The following TMTC4 variants were observed in gnomAD, a reference collection of about 807,000 sequenced individuals.
TMTC4 encodes the protein protein O-mannosyl-transferase TMTC4.
Under a neutral mutation model 86.0 loss-of-function variants are expected in TMTC4, and 65 were observed. The observed-to-expected ratio is 0.76, with a 90% CI of 0.62 to 0.93. The LOEUF is 0.93. Among genes scored for constraint, TMTC4 ranks in the 40% least tolerant of loss-of-function variants. The pLI is 0.00. For synonymous variants in TMTC4, 379 were observed against 382.5 expected, an observed-to-expected ratio of 0.99 and a Z score of 0.11; for missense variants, 866 against 948.1, an observed-to-expected ratio of 0.91 and a Z score of 1.14.
At position 100,604,891 on chromosome 13, in the gene TMTC4, A is replaced by T. The variant is rs1876334323; in HGVS notation, c.*103T>A. ...GTTTTCATAGAAAAAAATCAGTAAA[A>T]TAACATGTCTAAGACTTTTAAATGG... On this transcript the variant is annotated 3_prime_UTR_variant, in exon 19 of 19. Coordinates refer to ENST00000342624, the MANE Select transcript of TMTC4 (RefSeq NM_032813.5). 22 of 1,318,876 alleles carry T rather than the reference A, an allele frequency of 1.7e-5. No homozygotes were observed. In the Middle Eastern group the frequency reaches 5.8e-4, roughly 35 times the overall value. The allele number at this position is 1,318,876 out of a possible 1,614,324, so 81.7% of individuals were successfully genotyped here.
intron 2 of TMTC4, among the ~76,000 whole-genome samples, chr13:100,669,056 G>A (rs572057199): frequency 1.2e-4 from 19 of 152,220 alleles, no homozygotes; most frequent in Admixed American, 3.3e-4. Flanking sequence ...TTAGAAATAC[G>A]AATGTAATGG....
chr13:100,607,231 C>T (rs1876771259), intron 17 of TMTC4, among the ~76,000 whole-genome samples: 1 of 152,192 alleles, frequency 6.6e-6, no homozygotes, highest in South Asian at 2.1e-4. Context: ...TCATCAGTAT[C>T]ACATGCTGGG....
At chr13:100,638,155 C>G in intron 7 of TMTC4, 133 bp from the exon 8 acceptor site, 1 of 624,426 alleles carries the variant, frequency 1.6e-6, no homozygotes, top group Middle Eastern at 2.7e-4. Context: ...ACCTCTGCAG[C>G]TCTTTAAAAA....
intron 12 of TMTC4, among the ~76,000 whole-genome samples, chr13:100,627,338 C>T (rs1880714270): frequency 6.6e-6 from 1 of 152,176 alleles, no homozygotes; most frequent in African/African-American, 2.4e-5. Context: ...CCCAGGGTTG[C>T]AGCAATAAAG....
chr13:100,636,235 C>T (rs761568927), intron 10 of TMTC4, among the ~76,000 whole-genome samples: 21 of 152,114 alleles, frequency 1.4e-4, no homozygotes, highest in Non-Finnish European at 1.6e-4. Flanking sequence ...CTGTTCTGAC[C>T]GTAAATTACT....
At chr13:100,666,989 C>T (rs1010861601) in intron 3 of TMTC4, among the ~76,000 whole-genome samples, 1 of 152,166 alleles carries the variant, frequency 6.6e-6, no homozygotes, top group African/African-American at 2.4e-5. Context: ...CACCTTGTCC[C>T]TGTCTCATGA....
In TMTC4 at chr13:100,604,941, T is replaced by C. The variant is rs1876339256; in HGVS notation, c.*53A>G. 2 of 1,573,750 alleles carry C rather than the reference T, an allele frequency of 1.3e-6. No individual in the cohort carries two copies. Among genetic ancestry groups the C allele is most frequent in the Admixed American group, 1.9e-5 (1 of 52,428 alleles). On this transcript the variant is annotated 3_prime_UTR_variant, in exon 19 of 19. Transcript: ENST00000342624. Reference sequence around the variant, plus strand: ...GTTAAATGTAACCACATACTATTAATGATATGCCTCATGCACACACACACT... The same window carrying C: ...GTTAAATGTAACCACATACTATTAACGATATGCCTCATGCACACACACACT...
rs74276741 is a variant in TMTC4 at position 100,609,668 on chromosome 13, A to AATAT, written c.2064+2729_2064+2730insATAT. On this transcript the variant is annotated intron_variant, in intron 17 of 18. Coordinates refer to ENST00000342624, the MANE Select transcript of TMTC4 (RefSeq NM_032813.5). ...TCACTGAATGATTGAATGCTCACTA[A>AATAT]ATGTATATATATACACACACACACA... 1.8e-3 allele frequency among the ~76,000 whole-genome samples: 229 copies of AATAT among 125,178 alleles called. 1 individual carries two copies. The highest frequency in any genetic ancestry group is 5.2e-3 in the African/African-American group (192 of 37,052). 82.1% of individuals were successfully genotyped at this position (125,178 alleles called of 152,430 possible).
chr13:100,618,283 A>T (rs1215388078), intron 15 of TMTC4, among the ~76,000 whole-genome samples: 1 of 152,088 alleles, frequency 6.6e-6, no homozygotes. Flanking sequence ...GTCCATGAAG[A>T]GAGATAGCTT....
At chr13:100,639,936 C>A in intron 7 of TMTC4, among the ~76,000 whole-genome samples, 2 of 151,150 alleles carry the variant, frequency 1.3e-5, no homozygotes, top group African/African-American at 4.9e-5. Context: ...GAGAAACCGT[C>A]TCGAATAAAA....
intron 12 of TMTC4, among the ~76,000 whole-genome samples, chr13:100,631,982 G>C (rs954495036): frequency 4.8e-5 from 7 of 145,138 alleles, no homozygotes; most frequent in African/African-American, 1.3e-4. Flanking sequence ...TTGAAGATGA[G>C]GTCTTATATG....
Position 100,670,686 on chromosome 13 carries a change from C to T in TMTC4, c.-207-117G>A, listed in dbSNP as rs977991038. ...AATCAAGGCTGGTTGCAATGGCTCA[C>T]GCCTGTAATCCCAGCACTTTGGGAG... On this transcript the variant is annotated intron_variant, in intron 1 of 18. Coordinates refer to ENST00000342624, the MANE Select transcript of TMTC4 (RefSeq NM_032813.5). The T allele has an allele frequency of 7.7e-5, 22 of 287,206 alleles. 1 individual carries two copies. In the South Asian group the frequency reaches 1.2e-3, roughly 15 times the overall value. 17.8% of individuals were successfully genotyped at this position (287,206 alleles called of 1,614,324 possible).
chr13:100,624,631 C>T (rs530237034), intron 15 of TMTC4, among the ~76,000 whole-genome samples: 10 of 152,254 alleles, frequency 6.6e-5, no homozygotes, highest in South Asian at 4.1e-4. Context: ...GCCTTTAAAA[C>T]GAGGGCAGCA....
At chr13:100,618,966 G>A (rs1274790302) in intron 15 of TMTC4, among the ~76,000 whole-genome samples, 2 of 151,936 alleles carry the variant, frequency 1.3e-5, no homozygotes, top group African/African-American at 2.4e-5. Context: ...CCACAAAACC[G>A]CCATTGTCAT....
chr13:100,631,296 C>T (rs1205029971), intron 12 of TMTC4, among the ~76,000 whole-genome samples: 1 of 152,158 alleles, frequency 6.6e-6, no homozygotes, highest in East Asian at 1.9e-4. Context: ...TATAAATATT[C>T]TGGCAACATC....
chr13:100,670,499 G>T lies in TMTC4; in HGVS notation c.-137C>A. 1.3e-6 allele frequency: 1 copy of T among 793,118 alleles called. No individual in the cohort carries two copies. Among genetic ancestry groups the T allele is most frequent in the African/African-American group, 1.8e-5 (1 of 55,892 alleles). The allele number at this position is 793,118 out of a possible 1,614,324, so 49.1% of individuals were successfully genotyped here. Reference sequence around the variant, plus strand: ...GGCATACGGCATGCTCTCAGCAAGTGCTGGGGGAATACTGCAGCTACTTTT... The same window carrying T: ...GGCATACGGCATGCTCTCAGCAAGTTCTGGGGGAATACTGCAGCTACTTTT... On this transcript the variant is annotated 5_prime_UTR_variant, in exon 2 of 19. Coordinates refer to ENST00000342624, the MANE Select transcript of TMTC4 (RefSeq NM_032813.5).
At chr13:100,646,375 G>A (rs952308938) in intron 6 of TMTC4, among the ~76,000 whole-genome samples, 3 of 152,158 alleles carry the variant, frequency 2.0e-5, no homozygotes, top group African/African-American at 7.2e-5. Flanking sequence ...TTGTGCTCCC[G>A]ACAAATCATG....
chr13:100,644,941 A>T (rs527402303), intron 6 of TMTC4, among the ~76,000 whole-genome samples: 6 of 151,888 alleles, frequency 4.0e-5, no homozygotes, highest in Non-Finnish European at 8.8e-5. Context: ...CAGCCTCCTG[A>T]GTAGCTGGGA....
chr13:100,635,939 C>T (rs1882149879), intron 10 of TMTC4, among the ~76,000 whole-genome samples: 1 of 152,210 alleles, frequency 6.6e-6, no homozygotes, highest in African/African-American at 2.4e-5. Context: ...ATTCAACACA[C>T]AGGTAAACTT....
Sources: gnomAD v4.1 joint callset for allele counts (sites outside exome capture counted in the v4.1 genomes callset) on GRCh38, gnomAD v4.1.1 for gene constraint, MANE v1.5 for transcripts, NCBI Gene and HGNC (gene_info 2026-07-23, HGNC 2026-07-21) for gene names.